The following SIN3A variants were observed in gnomAD, a reference collection of about 807,000 sequenced individuals.
SIN3A encodes paired amphipathic helix protein Sin3a.
Under a neutral mutation model 146.1 loss-of-function variants are expected in SIN3A, and 14 were observed. That is an observed-to-expected ratio of 0.10 (90% confidence interval 0.06 to 0.15). The LOEUF (loss-of-function observed/expected upper bound fraction) is 0.15. SIN3A is among the 10% of genes least tolerant of loss of function. The pLI, the probability that SIN3A is intolerant of heterozygous loss-of-function variation, is 1.00. For synonymous variants in SIN3A, 572 were observed against 572.0 expected (o/e 1.00, Z 0.00); for missense variants, 1,028 against 1,576.0 (o/e 0.65, Z 5.89).
intron 14 of SIN3A, 46 bp from the exon 15 acceptor site, chr15:75,392,861 GACA>G (rs753907783): frequency 1.1e-5 from 15 of 1,356,676 alleles, no homozygotes; most frequent in Non-Finnish European, 1.5e-5. Context: ...TGTCTACAGC[GACA>G]ACATGTCTAC....
intron 13 of SIN3A, 72 bp downstream of exon 13, chr15:75,396,186 A>C: frequency 2.8e-6 from 3 of 1,073,348 alleles, no homozygotes; most frequent in Non-Finnish European, 4.2e-6. Context: ...TGAAAATGAG[A>C]GCCTTATTTA....
Position 75,422,745 on chromosome 15 carries a change from C to G in SIN3A, c.268G>C (p.Ala90Pro). The G allele has an allele frequency of 6.2e-7, 1 of 1,614,210 alleles. No individual in the cohort carries two copies. Among genetic ancestry groups the G allele is most frequent in the Non-Finnish European group, 8.5e-7 (1 of 1,180,034 alleles). The change falls in exon 3 of 21, where the codon GCG (alanine) becomes CCG (proline). Residue 90 changes from alanine (A) to proline (P), a missense_variant. Physicochemically the swap from Ala to Pro is conservative, Grantham distance 27 (BLOSUM62 -1). Coordinates refer to ENST00000394947, the MANE Select transcript of SIN3A (RefSeq NM_001145358.2). ...AVHSSHHHPTAVQPHGGQVVQ... is the reference protein window; with the variant it reads ...AVHSSHHHPTPVQPHGGQVVQ... ...ACCTGGCCTCCGTGGGGCTGCACCG[C>G]TGTTGGGTGATGATGGCTGCTATGA...
In SIN3A at chr15:75,394,532, G is replaced by C. The variant is rs541442910; in HGVS notation, c.2277+148C>G. The C allele has an allele frequency of 2.4e-5, 14 of 578,472 alleles. No individual in the cohort carries two copies. The African/African-American group carries it at 2.5e-4, about 10-fold the overall frequency. The allele number at this position is 578,472 out of a possible 1,614,324, so 35.8% of individuals were successfully genotyped here. On this transcript the variant is annotated intron_variant, in intron 14 of 20. Transcript: ENST00000394947. ...TTTAGATTTAAAATGGTAGAATGAG[G>C]AATAGAAAAGGCTATGACAGCTATC...
chr15:75,387,281 T>G (rs959891416), intron 16 of SIN3A, among the ~76,000 whole-genome samples: 2 of 152,010 alleles, frequency 1.3e-5, no homozygotes, highest in Non-Finnish European at 2.9e-5. Context: ...TCGCAGCGCT[T>G]TGGGAGGCTG....
intron 1 of SIN3A, among the ~76,000 whole-genome samples, chr15:75,434,753 A>C (rs2074075444): frequency 6.6e-6 from 1 of 151,912 alleles, no homozygotes; most frequent in South Asian, 2.1e-4. Context: ...GTTTGAGACC[A>C]GCCTGATCAA....
intron 1 of SIN3A, 36 bp from the exon 2 acceptor site, chr15:75,430,444 TCTCA>T (rs2073995733): frequency 6.7e-7 from 1 of 1,491,570 alleles, no homozygotes; most frequent in Non-Finnish European, 9.0e-7. Context: ...GCAAGTCAAT[TCTCA>T]CTCCAGTATG....
At chr15:75,375,530 G>A (rs562422769) in intron 20 of SIN3A, 135 bp downstream of exon 20, 15 of 686,712 alleles carry the variant, frequency 2.2e-5, no homozygotes, top group African/African-American at 3.6e-5. Flanking sequence ...ACCAACATAC[G>A]TACTTCCTCA....
intron 17 of SIN3A, among the ~76,000 whole-genome samples, chr15:75,381,944 C>T (rs1444067069): frequency 1.3e-5 from 2 of 152,034 alleles, no homozygotes; most frequent in Admixed American, 6.6e-5. Context: ...TTCTAGAATT[C>T]GCTAAAATAA....
In SIN3A at chr15:75,432,655, C is replaced by T. The variant is rs367752422; in HGVS notation, c.-33-2247G>A. On this transcript the variant is annotated intron_variant, in intron 1 of 20. Transcript: ENST00000394947. The stretch of plus-strand genomic sequence containing the variant: ...GAGGGGAGGTCCCACCACTGCACTC[C>T]AGCCTGGGCAACAGACTGAGACTCT... Among the ~76,000 whole-genome samples the T allele has an allele frequency of 1.8e-4, 25 of 135,842 alleles. No individual in the cohort carries two copies. In the East Asian group the frequency reaches 2.1e-3, roughly 11 times the overall value. The allele number at this position is 135,842 out of a possible 152,430, so 89.1% of individuals were successfully genotyped here. A position where few individuals can be genotyped will look rare whatever the true frequency, so the allele number is the denominator to read the frequency against.
chr15:75,422,554 GT>G (rs755345796), intron 3 of SIN3A, 92 bp downstream of exon 3: 1 of 1,366,058 alleles, frequency 7.3e-7, no homozygotes, highest in South Asian at 1.2e-5. Context: ...AGTATCTCAG[GT>G]TAGAAGTTGT....
chr15:75,438,696 CAA>C (rs1453660685), intron 1 of SIN3A, among the ~76,000 whole-genome samples: 1 of 151,986 alleles, frequency 6.6e-6, no homozygotes, highest in African/African-American at 2.4e-5. Flanking sequence ...CTCAAAAAAA[CAA>C]AAGTCTATCC....
chr15:75,400,265 T>C (rs2073385543), intron 11 of SIN3A, 109 bp from the exon 12 acceptor site: 1 of 647,210 alleles, frequency 1.5e-6, no homozygotes, highest in Non-Finnish European at 2.8e-6. Context: ...GCAACTAATA[T>C]TACTTCACAA....
At chr15:75,432,722 GAT>G (rs1051427509) in intron 1 of SIN3A, among the ~76,000 whole-genome samples, 2 of 146,292 alleles carry the variant, frequency 1.4e-5, no homozygotes, top group Admixed American at 6.8e-5. Context: ...GAAATGTTAT[GAT>G]AGGGCAGCAC....
Position 75,400,712 on chromosome 15 carries a change from T to C in SIN3A, c.1737+18A>G, listed in dbSNP as rs1266899338. 6.2e-7 allele frequency: 1 copy of C among 1,605,446 alleles called. No individual in the cohort carries two copies. Among genetic ancestry groups the C allele is most frequent in the Non-Finnish European group, 8.5e-7 (1 of 1,173,970 alleles). ...AAGCTGAGGACCCAGGGCTGATCTT[T>C]GCTAGGGAAGGCCTTACCTCTTTAC... On this transcript the variant is annotated intron_variant, in intron 11 of 20. Transcript: ENST00000394947.
At chr15:75,423,374 T>C (rs1284302742) in intron 2 of SIN3A, among the ~76,000 whole-genome samples, 1 of 152,224 alleles carries the variant, frequency 6.6e-6, no homozygotes, top group African/African-American at 2.4e-5. Flanking sequence ...AACAAAATTA[T>C]TTGTAGCTAT....
chr15:75,435,630 A>G (rs2074093752), intron 1 of SIN3A, among the ~76,000 whole-genome samples: 1 of 150,572 alleles, frequency 6.6e-6, no homozygotes, highest in East Asian at 2.0e-4. Flanking sequence ...CCCAGGAGGT[A>G]GAGGTTGAGG....
intron 2 of SIN3A, among the ~76,000 whole-genome samples, chr15:75,423,558 G>T (rs1018964751): frequency 6.6e-6 from 1 of 152,004 alleles, no homozygotes; most frequent in African/African-American, 2.4e-5. Context: ...GGCACCTACA[G>T]TCCCAGCTAC....
At chr15:75,385,652 T>G in intron 16 of SIN3A, among the ~76,000 whole-genome samples, 1 of 152,268 alleles carries the variant, frequency 6.6e-6, no homozygotes, top group Non-Finnish European at 1.5e-5. Flanking sequence ...TAAAAAACTT[T>G]AAGATGATCA....
rs139575486 is a variant in SIN3A at position 75,392,765 on chromosome 15, G to A, written c.2328C>T (p.His776=). The change falls in exon 15 of 21, where the codon CAC becomes CAT. Residue 776 remains histidine (H), a synonymous_variant. Transcript: ENST00000394947. ...EENAGVPVGP[H]LSLAYEDKQI... ...GTTTGTCTTCATACGCAAGTGAGAG[G>A]TGTGGGCCAACAGGTACACCAGCAT... is the stretch of plus-strand genomic sequence containing the variant. 116 of 1,614,048 alleles carry A rather than the reference G, an allele frequency of 7.2e-5. No homozygotes were observed. Among genetic ancestry groups the A allele is most frequent in the Non-Finnish European group, 8.7e-5 (103 of 1,179,998 alleles).
Sources: gnomAD v4.1 joint callset for allele counts (sites outside exome capture counted in the v4.1 genomes callset) on GRCh38, gnomAD v4.1.1 for gene constraint, MANE v1.5 for transcripts, NCBI Gene and HGNC (gene_info 2026-07-23, HGNC 2026-07-21) for gene names.